Variants in LOC128462377 observed in about 807,000 individuals in gnomAD.
chr16:89,371,111 G>A, the LOC128462377 span, among the ~76,000 whole-genome samples: 2 of 152,190 alleles, frequency 1.3e-5, no homozygotes, highest in African/African-American at 4.8e-5. Flanking sequence ...GAAAACCGCC[G>A]AGGGGGAAGA....
At chr16:89,350,664 G>A in the LOC128462377 span, among the ~76,000 whole-genome samples, 1 of 152,200 alleles carries the variant, frequency 6.6e-6, no homozygotes, top group Non-Finnish European at 1.5e-5. Context: ...CTGCAAAGAG[G>A]AAAGGGGGAA....
chr16:89,346,931 AG>A, the LOC128462377 span, among the ~76,000 whole-genome samples: 1 of 152,268 alleles, frequency 6.6e-6, no homozygotes, highest in Non-Finnish European at 1.5e-5. Context: ...TATAAAATAG[AG>A]AACAAGCTAC....
At chr16:89,348,231 C>T in the LOC128462377 span, among the ~76,000 whole-genome samples, 1 of 152,170 alleles carries the variant, frequency 6.6e-6, no homozygotes, top group Non-Finnish European at 1.5e-5. Flanking sequence ...CATATCTGGC[C>T]TCAAATACCA....
chr16:89,384,872 T>C, the LOC128462377 span, among the ~76,000 whole-genome samples: 3 of 132,336 alleles, frequency 2.3e-5, no homozygotes, highest in South Asian at 2.5e-4. Flanking sequence ...CAATGAGAAA[T>C]AGTTTTCTTT....
the LOC128462377 span, among the ~76,000 whole-genome samples, chr16:89,320,595 G>A: frequency 1.3e-5 from 2 of 152,182 alleles, no homozygotes; most frequent in African/African-American, 4.8e-5. Context: ...TTCGTGGACT[G>A]TCAGGGTCAC....
chr16:89,350,924 T>A, the LOC128462377 span, among the ~76,000 whole-genome samples: 53 of 152,202 alleles, frequency 3.5e-4, no homozygotes, highest in East Asian at 7.3e-3. Flanking sequence ...TTCAGCAGGG[T>A]GACTCAGCAA....
At chr16:89,338,726 C>CAAAAA in the LOC128462377 span, among the ~76,000 whole-genome samples, 56 of 43,746 alleles carry the variant, frequency 1.3e-3, 1 homozygote, top group East Asian at 0.011. Context: ...CACTCAGTCT[C>CAAAAA]AAAAAAAAAA....
the LOC128462377 span, among the ~76,000 whole-genome samples, chr16:89,339,380 CAAAG>C: frequency 6.6e-6 from 1 of 151,542 alleles, no homozygotes; most frequent in African/African-American, 2.4e-5. Flanking sequence ...AACAAACAAA[CAAAG>C]AGAAACCAAG....
the LOC128462377 span, among the ~76,000 whole-genome samples, chr16:89,385,744 T>A: frequency 6.6e-6 from 1 of 152,236 alleles, no homozygotes; most frequent in Non-Finnish European, 1.5e-5. Context: ...CACTTTCACG[T>A]CTGACGACAG....
chr16:89,409,370 G>T, the LOC128462377 span, among the ~76,000 whole-genome samples: 2 of 152,208 alleles, frequency 1.3e-5, no homozygotes, highest in African/African-American at 2.4e-5. Context: ...CAGGGGTGGG[G>T]TGGGAAGGCG....
the LOC128462377 span, among the ~76,000 whole-genome samples, chr16:89,354,618 A>G: frequency 3.9e-5 from 6 of 152,128 alleles, no homozygotes; most frequent in African/African-American, 1.4e-4. Flanking sequence ...ACGGTGGCTC[A>G]CTCTTGTAAT....
the LOC128462377 span, among the ~76,000 whole-genome samples, chr16:89,407,656 A>ATCAAACACACAT: frequency 6.6e-6 from 1 of 151,750 alleles, no homozygotes; most frequent in South Asian, 2.1e-4. Context: ...CGCCGTCTCT[A>ATCAAACACACAT]TCAAACACAC....
At chr16:89,330,472 G>A in the LOC128462377 span, among the ~76,000 whole-genome samples, 10 of 152,098 alleles carry the variant, frequency 6.6e-5, no homozygotes, top group African/African-American at 2.2e-4. Flanking sequence ...ACACGGCTGC[G>A]GATGTGTGGA....
chr16:89,326,990 G>A, the LOC128462377 span, among the ~76,000 whole-genome samples: 1 of 151,888 alleles, frequency 6.6e-6, no homozygotes, highest in Non-Finnish European at 1.5e-5. Flanking sequence ...GCAATGCAGA[G>A]GTGGGGAATG....
At chr16:89,360,499 G>T in the LOC128462377 span, 26 of 152,130 alleles carry the variant, frequency 1.7e-4, no homozygotes, top group Non-Finnish European at 3.4e-4. Context: ...AAATTTAAAA[G>T]ATTAAAAAAC....
At chr16:89,337,058 C>T in the LOC128462377 span, among the ~76,000 whole-genome samples, 1 of 146,212 alleles carries the variant, frequency 6.8e-6, no homozygotes, top group East Asian at 2.0e-4. Context: ...TGGTGGTGCA[C>T]ACCTGCAGTC....
the LOC128462377 span, among the ~76,000 whole-genome samples, chr16:89,375,317 G>A: frequency 5.9e-5 from 9 of 152,198 alleles, no homozygotes; most frequent in African/African-American, 1.2e-4. Context: ...AGCTAGTTGC[G>A]GTAGCATGGG....
At chr16:89,415,454 C>T in the LOC128462377 span, among the ~76,000 whole-genome samples, 2 of 150,066 alleles carry the variant, frequency 1.3e-5, no homozygotes, top group East Asian at 2.0e-4. Flanking sequence ...TTAGTAGAGA[C>T]GGGGTTTCAC....
the LOC128462377 span, among the ~76,000 whole-genome samples, chr16:89,384,707 T>C: frequency 3.3e-5 from 5 of 151,964 alleles, no homozygotes; most frequent in Non-Finnish European, 7.4e-5. Context: ...AATTCTTCCC[T>C]CCTTTTACCT....
Sources: allele counts gnomAD v4.1 joint callset (sites outside exome capture counted in the v4.1 genomes callset), GRCh38; gene constraint gnomAD v4.1.1; transcripts MANE v1.5.